FRY: variants seen among roughly 807,000 people sequenced by gnomAD.
FRY encodes protein furry homolog.
Under a neutral mutation model 348.4 loss-of-function variants are expected in FRY, and 128 were observed. That is an observed-to-expected ratio of 0.37 (90% confidence interval 0.32 to 0.43). The LOEUF (loss-of-function observed/expected upper bound fraction) is 0.43, where lower values mean the gene tolerates loss of function less well. FRY is among the 20% of genes least tolerant of loss of function. FRY has a pLI of 1.00. For missense variants in FRY, 2,736 were observed against 3,695.2 expected (o/e 0.74, Z 6.73); for synonymous variants, 1,370 against 1,374.7 (o/e 1.00, Z 0.08).
At chr13:32,136,783 G>A (rs1024375) in intron 10 of FRY, 88 bp from the exon 11 acceptor site, 30,451 of 849,150 alleles carry the variant, frequency 0.036, 2,165 homozygotes, top group African/African-American at 0.23. Context: ...CCCCGAGGGA[G>A]ATGGCAAGGT....
At position 32,259,852 on chromosome 13, in the gene FRY, C is replaced by CA. The variant is rs371183212; in HGVS notation, c.7417-1755dup. On this transcript the variant is annotated intron_variant, in intron 51 of 60. Transcript: ENST00000542859. ...AGTACAACAGTTAGCCATTTTCTAC[C>CA]AAAAAAAAAGAAAAAAACATATGGT... 2.4e-3 allele frequency among the ~76,000 whole-genome samples: 363 copies of CA among 148,396 alleles called. 2 individuals carry two copies. The highest frequency in any genetic ancestry group is 8.2e-3 in the African/African-American group (332 of 40,388).
At chr13:32,147,452 A>C (rs1440302553) in intron 12 of FRY, 67 bp downstream of exon 12, 5 of 853,648 alleles carry the variant, frequency 5.9e-6, no homozygotes, top group African/African-American at 1.7e-5. Flanking sequence ...TTCTTTTATT[A>C]CTACCTATGC....
At chr13:32,032,818 A>T (rs116313711) in intron 1 of FRY, among the ~76,000 whole-genome samples, 3,344 of 152,258 alleles carry the variant, frequency 0.022, 117 homozygotes, top group African/African-American at 0.074. Flanking sequence ...AAATAAAAAA[A>T]TTTTTTCCCC....
chr13:32,138,404 T>C (rs983686150), intron 11 of FRY, among the ~76,000 whole-genome samples: 1 of 152,212 alleles, frequency 6.6e-6, no homozygotes, highest in Admixed American at 6.5e-5. Flanking sequence ...CATGACAATC[T>C]ATTGCTGTGG....
chr13:32,067,972 C>T (rs898229290), intron 1 of FRY, among the ~76,000 whole-genome samples: 3 of 152,030 alleles, frequency 2.0e-5, no homozygotes, highest in African/African-American at 7.3e-5. Context: ...TGTGTGGTCC[C>T]AGGGCAGCAG....
intron 17 of FRY, among the ~76,000 whole-genome samples, chr13:32,166,398 A>C (rs1215984375): frequency 6.6e-6 from 1 of 152,094 alleles, no homozygotes; most frequent in Non-Finnish European, 1.5e-5. Flanking sequence ...GCTGTCCCCC[A>C]CCCTCATCCT....
intron 31 of FRY, among the ~76,000 whole-genome samples, chr13:32,204,211 A>G (rs1330864756): frequency 6.6e-6 from 1 of 152,196 alleles, no homozygotes; most frequent in East Asian, 1.9e-4. Flanking sequence ...AGTAATGACT[A>G]CCCCATAGGA....
chr13:32,051,257 C>G (rs538603812), intron 1 of FRY, among the ~76,000 whole-genome samples: 1 of 152,060 alleles, frequency 6.6e-6, no homozygotes, highest in South Asian at 2.1e-4. Context: ...TTTACAAGGT[C>G]TTTGAAGGAG....
At chr13:32,249,003 C>A (rs1223347641) in intron 48 of FRY, among the ~76,000 whole-genome samples, 1 of 152,230 alleles carries the variant, frequency 6.6e-6, no homozygotes, top group African/African-American at 2.4e-5. Flanking sequence ...GCTGCCTATG[C>A]AGCCACCACA....
chr13:32,157,205 G>A lies in FRY; in HGVS notation c.1652-68G>A, dbSNP rs546588467. Reference sequence around the variant, plus strand: ...GGTCTTCAGTAAAAAATATTATAGAGGATGAATAAATCAGGATATCCTTTG... The same window carrying A: ...GGTCTTCAGTAAAAAATATTATAGAAGATGAATAAATCAGGATATCCTTTG... On this transcript the variant is annotated intron_variant, in intron 15 of 60. Coordinates refer to ENST00000542859, the MANE Select transcript of FRY (RefSeq NM_023037.3). The A allele has an allele frequency of 4.3e-5, 62 of 1,441,218 alleles. 1 individual carries two copies. The South Asian group carries it at 6.3e-4, about 15-fold the overall frequency. The allele number at this position is 1,441,218 out of a possible 1,614,324, so 89.3% of individuals were successfully genotyped here. A position where few individuals can be genotyped will look rare whatever the true frequency, so the allele number is the denominator to read the frequency against.
Position 32,237,823 on chromosome 13 carries a change from TG to T in FRY, c.6256del (p.Glu2086ArgfsTer7). 1 of 1,614,096 alleles carries T rather than the reference TG, an allele frequency of 6.2e-7. No homozygotes were observed. Among genetic ancestry groups the T allele is most frequent in the Non-Finnish European group, 8.5e-7 (1 of 1,180,006 alleles). ...LDKAENREKL[E>X]KLQAQLKWAD... is the part of the protein sequence containing the mutation. ...ATAAGGCTGAGAACCGAGAAAAGCT[TG>T]AGAAACTCCAGGCACAGCTGAAGTG... On this transcript the variant is annotated frameshift_variant, in exon 44 of 61. Coordinates refer to ENST00000542859, the MANE Select transcript of FRY (RefSeq NM_023037.3). LOFTEE classifies it high-confidence loss of function. The surrounding 1 kb of genome is among the most constrained non-coding windows in gnomAD (Gnocchi z 6.3).
chr13:32,047,052 T>TACAG (rs1873055288), intron 1 of FRY, among the ~76,000 whole-genome samples: 5 of 143,324 alleles, frequency 3.5e-5, no homozygotes, highest in Non-Finnish European at 7.9e-5. Flanking sequence ...TATATATGTA[T>TACAG]ATATAGAGAG....
chr13:32,041,621 CTGAG>C (rs1321232407), intron 1 of FRY, among the ~76,000 whole-genome samples: 1 of 152,160 alleles, frequency 6.6e-6, no homozygotes. Flanking sequence ...GGGTCACACA[CTGAG>C]TGTTTTGTTT....
At chr13:32,212,726 T>A (rs1311740876) in intron 35 of FRY, among the ~76,000 whole-genome samples, 1 of 152,226 alleles carries the variant, frequency 6.6e-6, no homozygotes, top group Non-Finnish European at 1.5e-5. Flanking sequence ...AATCTGATAG[T>A]TGAATAATTT....
At chr13:32,209,156 G>T in intron 32 of FRY, 47 bp downstream of exon 32, 2 of 1,610,100 alleles carry the variant, frequency 1.2e-6, no homozygotes. Context: ...TCCATCATCA[G>T]AAAAAAACCC....
intron 58 of FRY, among the ~76,000 whole-genome samples, chr13:32,280,453 T>C (rs1291201135): frequency 2.6e-5 from 4 of 152,202 alleles, no homozygotes; most frequent in Middle Eastern, 3.2e-3. Context: ...TTTTAAAAAA[T>C]GAAGTATTAC....
intron 16 of FRY, among the ~76,000 whole-genome samples, chr13:32,157,715 T>C (rs1034021822): frequency 6.6e-6 from 1 of 152,198 alleles, no homozygotes; most frequent in Admixed American, 6.5e-5. Context: ...TCATGTGACA[T>C]AGTGACATCC....
chr13:32,196,152 T>C lies in FRY; in HGVS notation c.3746+1855T>C, dbSNP rs550968192. ...AAAAGCAACTGAAGACCTTATGAAA[T>C]ATGTTTCTGAAAAGTCATATGCAAA... On this transcript the variant is annotated intron_variant, in intron 29 of 60. Coordinates refer to ENST00000542859, the MANE Select transcript of FRY (RefSeq NM_023037.3). Among the ~76,000 whole-genome samples the C allele has an allele frequency of 1.6e-4, 25 of 152,318 alleles. 1 individual carries two copies. In the East Asian group the frequency reaches 3.3e-3, roughly 20 times the overall value.
chr13:32,179,825 TAA>T, intron 23 of FRY, 26 bp downstream of exon 23: 1 of 1,605,922 alleles, frequency 6.2e-7, no homozygotes, highest in Non-Finnish European at 8.5e-7. Flanking sequence ...TGAGTTGTTC[TAA>T]ATTCATACAT....
Sources: gnomAD v4.1 joint callset for allele counts (sites outside exome capture counted in the v4.1 genomes callset) on GRCh38, gnomAD v4.1.1 for gene constraint, Gnocchi (gnomAD v3.1) non-coding constraint, MANE v1.5 for transcripts, NCBI Gene and HGNC (gene_info 2026-07-23, HGNC 2026-07-21) for gene names.